ULK2: variants seen among roughly 807,000 people sequenced by gnomAD.
ULK2 encodes the protein serine/threonine-protein kinase ULK2.
A neutral mutation model predicts 127.5 loss-of-function variants in ULK2; 76 were observed. The ratio of observed to expected loss-of-function variants is 0.60; its 90% confidence interval spans 0.50 to 0.72. The LOEUF (loss-of-function observed/expected upper bound fraction) is 0.72, where lower values mean the gene tolerates loss of function less well. ULK2 is among the 30% of genes least tolerant of loss of function. The pLI is 0.00. For synonymous variants in ULK2, 452 were observed against 461.9 expected, an observed-to-expected ratio of 0.98 and a Z score of 0.28; for missense variants, 1,144 against 1,295.9, an observed-to-expected ratio of 0.88 and a Z score of 1.80.
chr17:19,792,928 A>C (rs2152384478), intron 20 of ULK2, among the ~76,000 whole-genome samples: 1 of 152,364 alleles, frequency 6.6e-6, no homozygotes, highest in Non-Finnish European at 1.5e-5. Flanking sequence ...GTACCAGCAT[A>C]AATTGACATA....
intron 4 of ULK2, 74 bp downstream of exon 4, chr17:19,849,666 CAG>C: frequency 2.0e-6 from 2 of 1,014,620 alleles, no homozygotes; most frequent in South Asian, 3.5e-5. Context: ...TTGAAATATG[CAG>C]ATTTATGCTA....
At position 19,783,689 on chromosome 17, in the gene ULK2, T is replaced by C; in HGVS notation, c.2460+8A>G. The C allele has an allele frequency of 6.7e-7, 1 of 1,501,224 alleles. No individual in the cohort carries two copies. The highest frequency in any genetic ancestry group is 1.4e-5 in the African/African-American group (1 of 70,926). The allele number at this position is 1,501,224 out of a possible 1,614,324, so 93.0% of individuals were successfully genotyped here. Reference sequence around the variant, plus strand: ...ATTACATTCACACCACTATAGTCTCTTTTCTACCTCCATCAGCGTCTCCTC... The same window carrying C: ...ATTACATTCACACCACTATAGTCTCCTTTCTACCTCCATCAGCGTCTCCTC... On this transcript the variant is annotated splice_region_variant and intron_variant, in intron 22 of 26. Coordinates refer to ENST00000395544, the MANE Select transcript of ULK2 (RefSeq NM_014683.4).
At chr17:19,780,422 C>A in intron 25 of ULK2, 50 bp downstream of exon 25, 3 of 1,461,096 alleles carry the variant, frequency 2.1e-6, no homozygotes, top group Non-Finnish European at 2.8e-6. Flanking sequence ...ATTAAAAAGA[C>A]ACTTAAAGAT....
At chr17:19,851,442 C>T (rs1425427199) in intron 3 of ULK2, among the ~76,000 whole-genome samples, 1 of 150,454 alleles carries the variant, frequency 6.6e-6, no homozygotes, top group East Asian at 2.0e-4. Flanking sequence ...GTTCAAGACC[C>T]GCCTGGCCAA....
At chr17:19,804,113 T>C (rs1402496968) in intron 15 of ULK2, among the ~76,000 whole-genome samples, 2 of 152,070 alleles carry the variant, frequency 1.3e-5, no homozygotes, top group African/African-American at 4.8e-5. Flanking sequence ...CCAGGCGTGG[T>C]GGCTCATGCC....
intron 12 of ULK2, among the ~76,000 whole-genome samples, chr17:19,822,249 G>A (rs2041168498): frequency 6.6e-6 from 1 of 151,816 alleles, no homozygotes; most frequent in African/African-American, 2.4e-5. Flanking sequence ...GTCTCCCAAG[G>A]TGCTGGATTA....
chr17:19,832,573 C>G (rs953504568), intron 10 of ULK2, among the ~76,000 whole-genome samples: 1 of 152,086 alleles, frequency 6.6e-6, no homozygotes, highest in Admixed American at 6.5e-5. Flanking sequence ...TGTGCTTGAA[C>G]TTTTAGTGCA....
intron 3 of ULK2, among the ~76,000 whole-genome samples, chr17:19,855,254 A>G (rs1229639105): frequency 1.3e-5 from 2 of 151,780 alleles, no homozygotes; most frequent in African/African-American, 4.8e-5. Flanking sequence ...AATACAAAAA[A>G]TTAGCCAGGC....
chr17:19,864,766 T>A (rs765095384), intron 3 of ULK2, 37 bp downstream of exon 3: 32 of 1,001,402 alleles, frequency 3.2e-5, no homozygotes, highest in South Asian at 1.3e-4. Context: ...TTAAAAAAAA[T>A]TTATTTTAAT....
At chr17:19,807,889 G>A (rs868191706) in intron 14 of ULK2, among the ~76,000 whole-genome samples, 4 of 152,060 alleles carry the variant, frequency 2.6e-5, no homozygotes, top group African/African-American at 7.2e-5. Flanking sequence ...GGTGGATCAC[G>A]AGGTCAGGAG....
intron 20 of ULK2, 47 bp from the exon 21 acceptor site, chr17:19,786,133 A>C (rs369102608): frequency 4.0e-6 from 6 of 1,514,908 alleles, no homozygotes; most frequent in Non-Finnish European, 4.4e-6. Flanking sequence ...GATAGTGTTT[A>C]TATCTGGGAG....
intron 20 of ULK2, among the ~76,000 whole-genome samples, chr17:19,791,016 G>A (rs551760651): frequency 6.6e-6 from 1 of 152,308 alleles, no homozygotes; most frequent in East Asian, 1.9e-4. Context: ...AGCAAATATT[G>A]TTAGAGCTAA....
chr17:19,812,731 C>T (rs2087670286), intron 13 of ULK2, among the ~76,000 whole-genome samples: 1 of 152,168 alleles, frequency 6.6e-6, no homozygotes, highest in South Asian at 2.1e-4. Context: ...CATTCTCCCA[C>T]CATCATAAAG....
At chr17:19,807,693 C>G (rs2087542864) in intron 14 of ULK2, among the ~76,000 whole-genome samples, 2 of 152,148 alleles carry the variant, frequency 1.3e-5, no homozygotes, top group African/African-American at 2.4e-5. Flanking sequence ...AAGTGAAAAT[C>G]TGGCAATATA....
chr17:19,825,752 T>G (rs1280365691), intron 11 of ULK2, among the ~76,000 whole-genome samples: 14 of 151,224 alleles, frequency 9.3e-5, no homozygotes, highest in Non-Finnish European at 1.9e-4. Flanking sequence ...TTTGTGGGGC[T>G]GAGGCGGGTG....
At chr17:19,812,096 G>C (rs553974200) in intron 13 of ULK2, among the ~76,000 whole-genome samples, 5 of 152,264 alleles carry the variant, frequency 3.3e-5, no homozygotes, top group African/African-American at 9.6e-5. Flanking sequence ...GGAAAGCCCA[G>C]AAGTAAACCA....
At position 19,851,326 on chromosome 17, in the gene ULK2, C is replaced by CAAAA. The variant is rs554643908; in HGVS notation, c.226-1556_226-1553dup. 3.9e-3 allele frequency among the ~76,000 whole-genome samples: 160 copies of CAAAA among 41,050 alleles called. 11 individuals carry two copies. Among genetic ancestry groups the CAAAA allele is most frequent in the African/African-American group, 0.014 (150 of 10,732 alleles). The allele number at this position is 41,050 out of a possible 152,430, so 26.9% of individuals were successfully genotyped here. On this transcript the variant is annotated intron_variant, in intron 3 of 26. Coordinates refer to ENST00000395544, the MANE Select transcript of ULK2 (RefSeq NM_014683.4). Reference sequence around the variant, plus strand: ...TGGGCAACAGAGTGAGACTTCCCCTCAAAAAAAAAAAAAAAAAAAAAAAAA... The same window carrying CAAAA: ...TGGGCAACAGAGTGAGACTTCCCCTCAAAAAAAAAAAAAAAAAAAAAAAAAAAAA...
At chr17:19,778,054 C>T (rs1019920784) in intron 25 of ULK2, among the ~76,000 whole-genome samples, 1 of 152,188 alleles carries the variant, frequency 6.6e-6, no homozygotes, top group East Asian at 1.9e-4. Flanking sequence ...CCTGAAATTT[C>T]ATTAAAGTAG....
intron 13 of ULK2, among the ~76,000 whole-genome samples, chr17:19,816,152 A>T (rs1471277857): frequency 6.6e-6 from 1 of 152,240 alleles, no homozygotes; most frequent in Non-Finnish European, 1.5e-5. Context: ...TTCAATTATT[A>T]AAGTAATCAA....
Sources: gnomAD v4.1 joint callset for allele counts (sites outside exome capture counted in the v4.1 genomes callset) on GRCh38, gnomAD v4.1.1 for gene constraint, MANE v1.5 for transcripts, NCBI Gene and HGNC (gene_info 2026-07-23, HGNC 2026-07-21) for gene names.